KIF26B: variants seen among roughly 807,000 people sequenced by gnomAD.
The protein encoded by KIF26B is kinesin family member 26B, also known as kinesin-like protein KIF26B.
Under a neutral mutation model 151.2 loss-of-function variants are expected in KIF26B, and 63 were observed. That is an observed-to-expected ratio of 0.42 (90% confidence interval 0.34 to 0.51). KIF26B has a LOEUF of 0.51. Among genes scored for constraint, KIF26B ranks in the 20% least tolerant of loss-of-function variants. The pLI is 0.07. For synonymous variants in KIF26B, 1,357 were observed against 1,262.1 expected (o/e 1.08, Z -1.59); for missense variants, 2,813 against 2,913.6 (o/e 0.97, Z 0.79).
intron 5 of KIF26B, among the ~76,000 whole-genome samples, chr1:245,547,405 T>A (rs1661769260): frequency 6.6e-6 from 1 of 151,200 alleles, no homozygotes; most frequent in South Asian, 2.1e-4. Flanking sequence ...GCCAAGATGG[T>A]GAAAACCCTG....
At chr1:245,532,492 G>A (rs1221627783) in intron 4 of KIF26B, among the ~76,000 whole-genome samples, 8 of 151,970 alleles carry the variant, frequency 5.3e-5, no homozygotes, top group Non-Finnish European at 1.0e-4. Flanking sequence ...TGATCCGCCT[G>A]CCTCGGCCTC....
At chr1:245,557,577 T>C (rs890798527) in intron 5 of KIF26B, among the ~76,000 whole-genome samples, 3 of 152,200 alleles carry the variant, frequency 2.0e-5, no homozygotes, top group African/African-American at 7.2e-5. Flanking sequence ...CACCTCTTCC[T>C]TCTGTTGGTC....
At chr1:245,330,066 A>G (rs1672069711) in intron 2 of KIF26B, among the ~76,000 whole-genome samples, 1 of 152,024 alleles carries the variant, frequency 6.6e-6, no homozygotes, top group Non-Finnish European at 1.5e-5. Flanking sequence ...CAAAGATTAC[A>G]GGAGTGAGCC....
chr1:245,319,455 T>C (rs1259585084), intron 2 of KIF26B, among the ~76,000 whole-genome samples: 2 of 152,110 alleles, frequency 1.3e-5, no homozygotes, highest in East Asian at 3.8e-4. Context: ...AAACTTATTG[T>C]TGAGGTGACT....
At chr1:245,626,953 T>C (rs920405809) in intron 9 of KIF26B, among the ~76,000 whole-genome samples, 11 of 152,228 alleles carry the variant, frequency 7.2e-5, no homozygotes. Context: ...TGCTTATGGA[T>C]ATCTAGTTTT....
intron 4 of KIF26B, among the ~76,000 whole-genome samples, chr1:245,521,927 T>G (rs190329439): frequency 0.15 from 22,932 of 148,582 alleles, 2,281 homozygotes; most frequent in Middle Eastern, 0.29. Context: ...TGGAGTGCAG[T>G]GGTGCGATCT....
intron 5 of KIF26B, among the ~76,000 whole-genome samples, chr1:245,590,684 G>A (rs1055653725): frequency 2.3e-4 from 35 of 152,162 alleles, no homozygotes; most frequent in African/African-American, 8.2e-4. Context: ...AAGGCAGGAG[G>A]ATCACTTGAG....
intron 10 of KIF26B, among the ~76,000 whole-genome samples, chr1:245,683,406 C>T (rs753894709): frequency 2.0e-5 from 3 of 152,122 alleles, no homozygotes; most frequent in Admixed American, 6.5e-5. Context: ...TAAACAGAGG[C>T]CTTTAAAAGC....
chr1:245,313,991 G>A (rs371339691), intron 2 of KIF26B, among the ~76,000 whole-genome samples: 7 of 151,924 alleles, frequency 4.6e-5, no homozygotes, highest in Admixed American at 2.6e-4. Flanking sequence ...TCCCCCTCTC[G>A]CTCTCCGCAC....
chr1:245,588,969 TTC>T (rs1353092209), intron 5 of KIF26B, among the ~76,000 whole-genome samples: 1 of 152,226 alleles, frequency 6.6e-6, no homozygotes, highest in Non-Finnish European at 1.5e-5. Flanking sequence ...GTGGCATAAT[TTC>T]TCTGTTCCTC....
intron 10 of KIF26B, among the ~76,000 whole-genome samples, chr1:245,678,869 GAAAAA>G (rs35030829): frequency 2.1e-5 from 3 of 142,974 alleles, no homozygotes; most frequent in Non-Finnish European, 4.6e-5. Context: ...TCTCAAAAAA[GAAAAA>G]AAAAAAAGCA....
At chr1:245,489,802 C>T (rs927892305) in intron 4 of KIF26B, among the ~76,000 whole-genome samples, 2 of 152,184 alleles carry the variant, frequency 1.3e-5, no homozygotes, top group Admixed American at 6.5e-5. Flanking sequence ...TATTCTTCTA[C>T]TATTCACAAT....
chr1:245,507,282 G>T (rs1660744467), intron 4 of KIF26B, among the ~76,000 whole-genome samples: 2 of 152,198 alleles, frequency 1.3e-5, no homozygotes, highest in Admixed American at 1.3e-4. Context: ...CTCAGGTGGA[G>T]CTGGGCATGC....
chr1:245,248,878 T>C (rs189178236), intron 2 of KIF26B, among the ~76,000 whole-genome samples: 3 of 152,344 alleles, frequency 2.0e-5, no homozygotes, highest in African/African-American at 7.2e-5. Flanking sequence ...CAGTGGGATG[T>C]GAATATACTT....
At position 245,540,169 on chromosome 1, in the gene KIF26B, C is replaced by A. The variant is rs546272753; in HGVS notation, c.1167-598C>A. On this transcript the variant is annotated intron_variant, in intron 4 of 14. Coordinates refer to ENST00000407071, the MANE Select transcript of KIF26B (RefSeq NM_018012.4). The surrounding 1 kb of genome is among the most constrained non-coding windows in gnomAD (Gnocchi z 4.6). ...TCCCTGCACAATATCCTCTTATCTACGTAAGCAGCCCATAGCCTCAGCGCC... is the reference window on the plus strand; with the variant it reads ...TCCCTGCACAATATCCTCTTATCTAAGTAAGCAGCCCATAGCCTCAGCGCC... Among the ~76,000 whole-genome samples, 6 of 152,184 alleles carry A rather than the reference C, an allele frequency of 3.9e-5. No individual in the cohort carries two copies. The highest frequency in any genetic ancestry group is 7.3e-5 in the Non-Finnish European group (5 of 68,042).
intron 2 of KIF26B, among the ~76,000 whole-genome samples, chr1:245,273,770 T>A (rs765127412): frequency 6.6e-6 from 1 of 152,242 alleles, no homozygotes; most frequent in East Asian, 1.9e-4. Flanking sequence ...CCAAAATGAG[T>A]CCCTTGTAGA....
chr1:245,584,560 G>C (rs1047762033), intron 5 of KIF26B, among the ~76,000 whole-genome samples: 1 of 152,178 alleles, frequency 6.6e-6, no homozygotes, highest in East Asian at 1.9e-4. Context: ...GATGGTCCCA[G>C]AGCAATTACT....
chr1:245,424,450 A>G (rs531817502), intron 4 of KIF26B, among the ~76,000 whole-genome samples: 1 of 152,330 alleles, frequency 6.6e-6, no homozygotes, highest in East Asian at 1.9e-4. Flanking sequence ...AACATTGTAT[A>G]TATTTACGGA....
chr1:245,250,136 GCTT>G (rs1670415728), intron 2 of KIF26B, among the ~76,000 whole-genome samples: 1 of 152,012 alleles, frequency 6.6e-6, no homozygotes, highest in South Asian at 2.1e-4. Context: ...ATTGTCGAAG[GCTT>G]CTTATTTCCC....
Sources: gnomAD v4.1 joint callset for allele counts (sites outside exome capture counted in the v4.1 genomes callset) on GRCh38, gnomAD v4.1.1 for gene constraint, Gnocchi (gnomAD v3.1) non-coding constraint, MANE v1.5 for transcripts, NCBI Gene and HGNC (gene_info 2026-07-23, HGNC 2026-07-21) for gene names.